The following RBM23 variants were observed in gnomAD, a reference collection of about 807,000 sequenced individuals.
RBM23 encodes probable RNA-binding protein 23.
In RBM23, 53 loss-of-function variants were observed where a neutral mutation model predicts 56.2. That is an observed-to-expected ratio of 0.94 (90% CI 0.76 to 1.19). RBM23 has a LOEUF of 1.19. RBM23 is among the 50% of genes most tolerant of loss of function. The pLI, the probability that RBM23 is intolerant of heterozygous loss-of-function variation, is 0.00. For synonymous variants in RBM23, 197 were observed against 198.5 expected (o/e 0.99, Z 0.06); for missense variants, 642 against 590.3 (o/e 1.09, Z -0.91).
At position 22,894,395 on chromosome 14, in the gene RBM23, C is replaced by T. The variant is rs1396082834; in HGVS notation, c.*7335G>A. The T allele has an allele frequency of 6.6e-6, 1 of 152,174 alleles. No individual in the cohort carries two copies. The highest frequency in any genetic ancestry group is 1.5e-5 in the Non-Finnish European group (1 of 68,036). The allele number at this position is 152,174 out of a possible 1,614,324, so 9.4% of individuals were successfully genotyped here. A position where few individuals can be genotyped will look rare whatever the true frequency, so the allele number is the denominator to read the frequency against. Reference sequence around the variant, plus strand: ...TTTTTGTGTTCAAATTACAACTTGACTTTAAGCAGAGGACCTGTGCTGATT... The same window carrying T: ...TTTTTGTGTTCAAATTACAACTTGATTTTAAGCAGAGGACCTGTGCTGATT... On this transcript the variant is annotated 3_prime_UTR_variant, in exon 14 of 14. Transcript: ENST00000359890.
chr14:22,914,366 C>T (rs560096562), intron 1 of RBM23, among the ~76,000 whole-genome samples: 1 of 149,682 alleles, frequency 6.7e-6, no homozygotes, highest in East Asian at 1.9e-4. Flanking sequence ...GTGGCAAGCA[C>T]CTGTAATCCC....
intron 1 of RBM23, among the ~76,000 whole-genome samples, chr14:22,915,453 C>T (rs899678421): frequency 2.6e-5 from 4 of 151,694 alleles, no homozygotes; most frequent in Admixed American, 6.6e-5. Flanking sequence ...ACCGCCTCGC[C>T]CTCCCAAAGT....
At position 22,901,699 on chromosome 14, in the gene RBM23, G is replaced by T. The variant is rs537255537; in HGVS notation, c.*31C>A. 6.2e-7 allele frequency: 1 copy of T among 1,609,776 alleles called. No individual in the cohort carries two copies. Among genetic ancestry groups the T allele is most frequent in the East Asian group, 2.2e-5 (1 of 44,866 alleles). ...AGATGTGAAGTGGCAGGATCCAGAG[G>T]CACAAGGAGGCAGTATACTGTGCCA... On this transcript the variant is annotated 3_prime_UTR_variant, in exon 14 of 14. Coordinates refer to ENST00000359890, the MANE Select transcript of RBM23 (RefSeq NM_001077351.2).
In RBM23 at chr14:22,901,647, AAT is replaced by A. The variant is rs988020343; in HGVS notation, c.*81_*82del. The A allele has an allele frequency of 1.3e-5, 21 of 1,560,154 alleles. No individual in the cohort carries two copies. The African/African-American group carries it at 2.4e-4, about 18-fold the overall frequency. On this transcript the variant is annotated 3_prime_UTR_variant, in exon 14 of 14. Transcript: ENST00000359890. ...GCCCTCAGGATGGCTTGGTCCACAA[AAT>A]GGAGAAATGGGGCCATGGAAGAGTA...
At chr14:22,916,451 T>C (rs1185961949) in intron 1 of RBM23, among the ~76,000 whole-genome samples, 1 of 150,810 alleles carries the variant, frequency 6.6e-6, no homozygotes, top group Non-Finnish European at 1.5e-5. Flanking sequence ...TTTTTTTTTT[T>C]TTCTGGTAGA....
chr14:22,906,064 C>G, intron 5 of RBM23, 131 bp downstream of exon 5: 1 of 1,132,506 alleles, frequency 8.8e-7, no homozygotes, highest in East Asian at 2.6e-5. Context: ...TGAATACCAA[C>G]CCTTTCTGTG....
At chr14:22,916,236 T>TCACACAGC (rs2043462297) in intron 1 of RBM23, among the ~76,000 whole-genome samples, 1 of 151,218 alleles carries the variant, frequency 6.6e-6, no homozygotes, top group African/African-American at 2.4e-5. Context: ...ACAGAGAAGG[T>TCACACAGC]CACACAGCTC....
intron 1 of RBM23, chr14:22,917,455 A>G (rs981504923): frequency 5.3e-5 from 8 of 152,200 alleles, no homozygotes; most frequent in African/African-American, 1.9e-4. Context: ...ATACAACACA[A>G]TATTTTGAAA....
At position 22,906,193 on chromosome 14, in the gene RBM23, A is replaced by G; in HGVS notation, c.401+2T>C. 3.1e-6 allele frequency: 5 copies of G among 1,613,914 alleles called. No individual in the cohort carries two copies. Among genetic ancestry groups the G allele is most frequent in the Non-Finnish European group, 4.2e-6 (5 of 1,179,806 alleles). On this transcript the variant is annotated splice_donor_variant, in intron 5 of 13. Coordinates refer to ENST00000359890, the MANE Select transcript of RBM23 (RefSeq NM_001077351.2). LOFTEE classifies it high-confidence loss of function. Reference sequence around the variant, plus strand: ...AGTGAATCTATTAGCAAAAAGTGATACCCAGTGGCAAGTGGAGGACTCCTG... The same window carrying G: ...AGTGAATCTATTAGCAAAAAGTGATGCCCAGTGGCAAGTGGAGGACTCCTG...
intron 5 of RBM23, 83 bp from the exon 6 acceptor site, chr14:22,905,742 C>T: frequency 2.8e-6 from 3 of 1,053,802 alleles, no homozygotes; most frequent in South Asian, 1.4e-5. Context: ...AAACCAGATT[C>T]CAGTACTTCA....
rs553181376 is a variant in RBM23 at position 22,906,679 on chromosome 14, A to G, written c.228-311T>C. ...CTGGGAAGGATGGAAGGATGGAAGGATGGCGGCTGTGGGTGGAATGAACAG... is the reference window on the plus strand; with the variant it reads ...CTGGGAAGGATGGAAGGATGGAAGGGTGGCGGCTGTGGGTGGAATGAACAG... On this transcript the variant is annotated intron_variant, in intron 4 of 13. Coordinates refer to ENST00000359890, the MANE Select transcript of RBM23 (RefSeq NM_001077351.2). Among the ~76,000 whole-genome samples, 6 of 152,378 alleles carry G rather than the reference A, an allele frequency of 3.9e-5. No individual in the cohort carries two copies. The South Asian group carries it at 1.2e-3, about 32-fold the overall frequency.
At chr14:22,918,889 G>C (rs540585909) in intron 1 of RBM23, 110 bp downstream of exon 1, 2 of 152,168 alleles carry the variant, frequency 1.3e-5, no homozygotes, top group African/African-American at 2.4e-5. Context: ...AAGTTCGCCT[G>C]AATCTCTTCG....
intron 10 of RBM23, chr14:22,903,951 C>T (rs899939611): frequency 7.6e-7 from 1 of 1,308,590 alleles, no homozygotes. Flanking sequence ...TACCTAACCT[C>T]CCTCACACCC....
chr14:22,910,902 T>C (rs2042396242), intron 2 of RBM23, among the ~76,000 whole-genome samples: 1 of 152,082 alleles, frequency 6.6e-6, no homozygotes, highest in African/African-American at 2.4e-5. Context: ...TCCTAGCTAC[T>C]TGGGACGCTG....
rs369939080 is a variant in RBM23 at position 22,902,289 on chromosome 14, G to A, written c.1024C>T (p.Arg342Ter). ...RPMRVGHVTE[R>*]LDGGTDITFP... ...GTGATGTCTGTGCCACCATCCAGTC[G>A]CTCAGTCACATGGCCAACCCTCATA... is the stretch of plus-strand genomic sequence containing the variant. The change falls in exon 11 of 14, where the codon CGA becomes TGA. Residue 342 changes from arginine (R) to a stop codon, truncating the protein, a stop_gained. Coordinates refer to ENST00000359890, the MANE Select transcript of RBM23 (RefSeq NM_001077351.2). LOFTEE classifies it high-confidence loss of function. 44 of 1,614,118 alleles carry A rather than the reference G, an allele frequency of 2.7e-5. No individual in the cohort carries two copies. Among genetic ancestry groups the A allele is most frequent in the South Asian group, 6.6e-5 (6 of 91,088 alleles).
intron 2 of RBM23, 90 bp downstream of exon 2, chr14:22,911,238 G>T: frequency 1.0e-6 from 1 of 1,003,992 alleles, no homozygotes; most frequent in Non-Finnish European, 1.6e-6. Context: ...CAGGGAAAGA[G>T]GATTCATAAA....
In RBM23 at chr14:22,894,065, G is replaced by A. The variant is rs1195893419; in HGVS notation, c.*7665C>T. On this transcript the variant is annotated 3_prime_UTR_variant, in exon 14 of 14. Coordinates refer to ENST00000359890, the MANE Select transcript of RBM23 (RefSeq NM_001077351.2). Reference sequence around the variant, plus strand: ...AATACCTACCTTATAGCGAAGTCATGAGGACTAAATAAAAGAGCAAAGATC... The same window carrying A: ...AATACCTACCTTATAGCGAAGTCATAAGGACTAAATAAAAGAGCAAAGATC... 5 of 152,210 alleles carry A rather than the reference G, an allele frequency of 3.3e-5. No homozygotes were observed. The highest frequency in any genetic ancestry group is 9.7e-5 in the African/African-American group (4 of 41,448). The allele number at this position is 152,210 out of a possible 1,614,324, so 9.4% of individuals were successfully genotyped here.
rs893305944 is a variant in RBM23 at position 22,902,349 on chromosome 14, C to T, written c.964G>A (p.Glu322Lys). ...SDSECARRAL[E>K]QLNGFELAGR... The stretch of plus-strand genomic sequence containing the variant: ...GCAAGCTCAAACCCATTCAACTGTT[C>T]CAGGGCCCGCCGGGCACACTCAGAA... Residue 322 changes from glutamate (E) to lysine (K), a missense_variant, in exon 11 of 14, where the codon GAA becomes AAA. Transcript: ENST00000359890. 4 of 1,613,864 alleles carry T rather than the reference C, an allele frequency of 2.5e-6. No homozygotes were observed. In the African/African-American group the frequency reaches 5.3e-5, roughly 22 times the overall value.
chr14:22,917,349 C>G (rs1429485547), intron 1 of RBM23: 2 of 152,184 alleles, frequency 1.3e-5, no homozygotes, highest in Non-Finnish European at 2.9e-5. Flanking sequence ...AACACACACA[C>G]TAAAACTTAC....
Sources: allele counts gnomAD v4.1 joint callset (sites outside exome capture counted in the v4.1 genomes callset), GRCh38; gene constraint gnomAD v4.1.1; transcripts MANE v1.5; gene names NCBI Gene and HGNC (gene_info 2026-07-23, HGNC 2026-07-21).